RYR2: variants seen among roughly 807,000 people sequenced by gnomAD.
The protein encoded by RYR2 is cardiac muscle ryanodine receptor-calcium release channel.
In RYR2, 227 loss-of-function variants were observed where a neutral mutation model predicts 601.1. The observed-to-expected ratio is 0.38, with a 90% CI of 0.34 to 0.42. The LOEUF is 0.42. Among genes scored for constraint, RYR2 ranks in the 10% least tolerant of loss-of-function variants. RYR2 has a pLI of 1.00. For missense variants in RYR2, 4,646 were observed against 6,156.5 expected (o/e 0.75, Z 8.21); for synonymous variants, 2,223 against 2,175.1 (o/e 1.02, Z -0.61).
chr1:237,597,408 A>T (rs1043758642), intron 34 of RYR2, among the ~76,000 whole-genome samples: 1 of 151,426 alleles, frequency 6.6e-6, no homozygotes, highest in South Asian at 2.1e-4. Context: ...CAGCCTCCTG[A>T]GTAGCTGGGA....
rs566454721 is a variant in RYR2, at chr1:237,191,232, G to C, written c.49-79265G>C. ...AAAGTCATTGGCCATATATGCAAGG[G>C]TTTATTTCCAGGCTCTCTATTCTGT... On this transcript the variant is annotated intron_variant, in intron 1 of 104. Transcript: ENST00000366574. Among the ~76,000 whole-genome samples the C allele has an allele frequency of 7.2e-5, 11 of 152,178 alleles. No individual in the cohort carries two copies. In the East Asian group the frequency reaches 2.1e-3, roughly 29 times the overall value.
At chr1:237,129,642 A>G (rs868601212) in intron 1 of RYR2, among the ~76,000 whole-genome samples, 1 of 150,536 alleles carries the variant, frequency 6.6e-6, no homozygotes, top group African/African-American at 2.4e-5. Context: ...TGTGTGTAGC[A>G]TAATGATATA....
At chr1:237,800,748 TATATTTTA>T (rs1267801594) in intron 97 of RYR2, among the ~76,000 whole-genome samples, 2 of 152,216 alleles carry the variant, frequency 1.3e-5, no homozygotes, top group Non-Finnish European at 2.9e-5. Flanking sequence ...AATTAACACA[TATATTTTA>T]ATATACGTGT....
intron 2 of RYR2, among the ~76,000 whole-genome samples, chr1:237,277,270 GCA>G (rs1216119224): frequency 5.9e-5 from 9 of 152,090 alleles, no homozygotes; most frequent in Non-Finnish European, 4.4e-5. Flanking sequence ...AAGCGCATGT[GCA>G]CACACACGCT....
intron 1 of RYR2, among the ~76,000 whole-genome samples, chr1:237,138,033 A>G (rs952145258): frequency 2.0e-5 from 3 of 151,422 alleles, no homozygotes; most frequent in South Asian, 2.1e-4. Flanking sequence ...ATTTTATTTT[A>G]TTTTATTTTA....
chr1:237,065,184 A>G (rs1663413965), intron 1 of RYR2, among the ~76,000 whole-genome samples: 1 of 149,792 alleles, frequency 6.7e-6, no homozygotes, highest in Non-Finnish European at 1.5e-5. Flanking sequence ...GTTTTATGCT[A>G]TTTTATCACC....
At chr1:237,489,799 G>A (rs766960277) in intron 17 of RYR2, among the ~76,000 whole-genome samples, 2 of 152,148 alleles carry the variant, frequency 1.3e-5, no homozygotes, top group African/African-American at 2.4e-5. Flanking sequence ...ATATCTGAAA[G>A]AAAATTAATT....
intron 94 of RYR2, 77 bp downstream of exon 94, chr1:237,792,400 T>TGC (rs1658549985): frequency 2.0e-5 from 3 of 151,772 alleles, no homozygotes; most frequent in East Asian, 2.3e-4. Context: ...TGTGTGTGCG[T>TGC]GTGTGTGTGT....
intron 20 of RYR2, among the ~76,000 whole-genome samples, chr1:237,497,136 C>T (rs1423065318): frequency 6.6e-6 from 1 of 151,918 alleles, no homozygotes; most frequent in East Asian, 1.9e-4. Flanking sequence ...TAGTTGCCAA[C>T]ATAAAAGAAC....
intron 70 of RYR2, among the ~76,000 whole-genome samples, chr1:237,710,380 C>A (rs1573620911): frequency 6.6e-6 from 1 of 152,194 alleles, no homozygotes; most frequent in Non-Finnish European, 1.5e-5. Context: ...GACTGTTGTA[C>A]AAATCAAGTT....
At chr1:237,810,274 A>C (rs1292940573) in intron 100 of RYR2, among the ~76,000 whole-genome samples, 1 of 152,182 alleles carries the variant, frequency 6.6e-6, no homozygotes, top group African/African-American at 2.4e-5. Context: ...AGTCCTTATC[A>C]CATCAATAAG....
At chr1:237,703,714 CAATT>C (rs945598315) in intron 66 of RYR2, among the ~76,000 whole-genome samples, 25 of 150,942 alleles carry the variant, frequency 1.7e-4, no homozygotes, top group East Asian at 5.8e-4. Context: ...CATAATCAAT[CAATT>C]ATTTCATGTA....
rs763395468 is a variant in RYR2 at position 237,614,851 on chromosome 1, G to A, written c.5715+8G>A. Reference sequence around the variant, plus strand: ...GAGCCAGTTAAATTGCAGGTAATCAGAACAAGAGACTTGAGTGAATTTCAG... The same window carrying A: ...GAGCCAGTTAAATTGCAGGTAATCAAAACAAGAGACTTGAGTGAATTTCAG... On this transcript the variant is annotated splice_region_variant and intron_variant, in intron 37 of 104. Transcript: ENST00000366574. The surrounding 1 kb of genome is among the most constrained non-coding windows in gnomAD (Gnocchi z 4.3). 3 of 1,546,274 alleles carry A rather than the reference G, an allele frequency of 1.9e-6. No individual in the cohort carries two copies. The African/African-American group carries it at 4.1e-5, about 21-fold the overall frequency.
chr1:237,494,681 C>T (rs1663837399), intron 19 of RYR2, among the ~76,000 whole-genome samples: 1 of 152,192 alleles, frequency 6.6e-6, no homozygotes, highest in Non-Finnish European at 1.5e-5. Context: ...CAACAAAACG[C>T]TGTGTGTGAT....
At chr1:237,283,799 G>A (rs567682049) in intron 2 of RYR2, among the ~76,000 whole-genome samples, 3 of 152,188 alleles carry the variant, frequency 2.0e-5, no homozygotes, top group African/African-American at 4.8e-5. Context: ...TTTACTACTT[G>A]GTATCAATTT....
At chr1:237,795,421 G>T in intron 96 of RYR2, 90 bp downstream of exon 96, 11 of 653,186 alleles carry the variant, frequency 1.7e-5, no homozygotes, top group South Asian at 1.2e-4. Context: ...AGATATTGAG[G>T]TATAATTTAT....
intron 12 of RYR2, among the ~76,000 whole-genome samples, chr1:237,435,314 T>C (rs1707232332): frequency 6.6e-6 from 1 of 152,182 alleles, no homozygotes; most frequent in South Asian, 2.1e-4. Context: ...ATTATGCAGT[T>C]GAGGAAACTG....
In RYR2 at chr1:237,772,053, A is replaced by T; in HGVS notation, c.11599A>T (p.Thr3867Ser). The T allele has an allele frequency of 6.4e-7, 1 of 1,555,396 alleles. No individual in the cohort carries two copies. Among genetic ancestry groups the T allele is most frequent in the East Asian group, 2.3e-5 (1 of 42,648 alleles). Residue 3867 changes from threonine to serine, a missense_variant, in exon 86 of 105, where the codon ACT (threonine) becomes TCT (serine). Physicochemically the swap from Thr to Ser is moderately conservative, Grantham distance 58. Coordinates refer to ENST00000366574, the MANE Select transcript of RYR2 (RefSeq NM_001035.3). ...GAGAACTCAGACTGGCAATAATACA[A>T]CTGTCAACATAATTATCTCCACTGT... Reference protein sequence around the residue: ...YLRTQTGNNTTVNIIISTVDY... With the variant: ...YLRTQTGNNTSVNIIISTVDY...
chr1:237,766,348 C>G (rs1693848839), intron 84 of RYR2, among the ~76,000 whole-genome samples: 1 of 152,088 alleles, frequency 6.6e-6, no homozygotes, highest in African/African-American at 2.4e-5. Flanking sequence ...TGTAGATTTC[C>G]CATTTCTCAG....
Sources: gnomAD v4.1 joint callset for allele counts (sites outside exome capture counted in the v4.1 genomes callset) on GRCh38, gnomAD v4.1.1 for gene constraint, Gnocchi (gnomAD v3.1) non-coding constraint, MANE v1.5 for transcripts, NCBI Gene and HGNC (gene_info 2026-07-23, HGNC 2026-07-21) for gene names.